The following MRAP2 variants were observed in gnomAD, a reference collection of about 807,000 sequenced individuals.
The protein encoded by MRAP2 is melanocortin 2 receptor accessory protein 2.
Under a neutral mutation model 17.4 loss-of-function variants are expected in MRAP2, and 20 were observed. That is an observed-to-expected ratio of 1.15 (90% confidence interval 0.81 to 1.67). The LOEUF is 1.67. Ranked by LOEUF, MRAP2 falls within the 40% of genes most tolerant of loss-of-function variation. MRAP2 has a pLI of 0.00. For synonymous variants in MRAP2, 96 were observed against 88.4 expected, an observed-to-expected ratio of 1.09 and a Z score of -0.48; for missense variants, 238 against 240.0, an observed-to-expected ratio of 0.99 and a Z score of 0.05.
intron 2 of MRAP2, chr6:84,062,679 C>T (rs984355609): frequency 1.6e-5 from 16 of 985,276 alleles, no homozygotes; most frequent in Non-Finnish European, 1.9e-5. Context: ...GCCTAAATCC[C>T]TTCATGCTAT....
At chr6:84,059,901 A>G (rs2099492658) in intron 2 of MRAP2, among the ~76,000 whole-genome samples, 1 of 152,170 alleles carries the variant, frequency 6.6e-6, no homozygotes, top group African/African-American at 2.4e-5. Flanking sequence ...CACTTTTCCC[A>G]TCTTACTGTA....
At chr6:84,080,959 T>C (rs1326483415) in intron 3 of MRAP2, among the ~76,000 whole-genome samples, 1 of 152,188 alleles carries the variant, frequency 6.6e-6, no homozygotes, top group African/African-American at 2.4e-5. Flanking sequence ...AGGTACAGTA[T>C]GTAGTATTAG....
intron 2 of MRAP2, among the ~76,000 whole-genome samples, chr6:84,061,256 A>T (rs1213048188): frequency 1.3e-5 from 2 of 152,338 alleles, no homozygotes; most frequent in African/African-American, 4.8e-5. Flanking sequence ...AACACATTTA[A>T]TATTTAAGCT....
Position 84,083,487 on chromosome 6 carries a change from T to C in MRAP2, c.228-5604T>C, listed in dbSNP as rs1395931119. Among the ~76,000 whole-genome samples, 3 of 152,216 alleles carry C rather than the reference T, an allele frequency of 2.0e-5. No individual in the cohort carries two copies. The East Asian group carries it at 5.8e-4, about 29-fold the overall frequency. ...TATTAAGCCAACAATATGAAATTAGTCTTACATATCAAAGAATTACAGAAA... is the reference window on the plus strand; with the variant it reads ...TATTAAGCCAACAATATGAAATTAGCCTTACATATCAAAGAATTACAGAAA... On this transcript the variant is annotated intron_variant, in intron 3 of 3. Transcript: ENST00000257776.
chr6:84,047,148 G>C (rs542626876), intron 1 of MRAP2, among the ~76,000 whole-genome samples: 8 of 151,848 alleles, frequency 5.3e-5, no homozygotes, highest in Non-Finnish European at 1.0e-4. Context: ...TGGAAGCACT[G>C]CTTATTATTA....
At chr6:84,038,935 AG>A (rs1441518802) in intron 1 of MRAP2, among the ~76,000 whole-genome samples, 3 of 152,256 alleles carry the variant, frequency 2.0e-5, no homozygotes, top group African/African-American at 7.2e-5. Context: ...ACATTTGAGC[AG>A]GCCCCACAAG....
In MRAP2 at chr6:84,062,898, A is replaced by C; in HGVS notation, c.133A>C (p.Ile45Leu). ...CAGAATTAACTGTCTTTCAGATTCC[A>C]TTGTGATTGGATTTTGGGTTGGTCT... ...FEGLKAHKYS[I>L]VIGFWVGLAV... The change falls in exon 3 of 4, where the codon ATT becomes CTT. Residue 45 changes from isoleucine (I) to leucine (L), a missense_variant. Transcript: ENST00000257776. The C allele has an allele frequency of 6.2e-7, 1 of 1,614,132 alleles. No homozygotes were observed. The highest frequency in any genetic ancestry group is 2.2e-5 in the East Asian group (1 of 44,878).
At chr6:84,097,938 G>T in the MRAP2 span, among the ~76,000 whole-genome samples, 4 of 152,266 alleles carry the variant, frequency 2.6e-5, no homozygotes, top group Admixed American at 1.3e-4. Flanking sequence ...GGTCAGGACT[G>T]AATTGCATTT....
At chr6:84,093,943 G>A (rs960354545), downstream of MRAP2, among the ~76,000 whole-genome samples, 3 of 152,184 alleles carry the variant, frequency 2.0e-5, no homozygotes, top group African/African-American at 7.2e-5. Context: ...ACTTGAGTAA[G>A]GAGCTTTTGT....
chr6:84,117,717 G>T, the MRAP2 span, among the ~76,000 whole-genome samples: 1 of 150,912 alleles, frequency 6.6e-6, no homozygotes, highest in South Asian at 2.1e-4. Context: ...TAACAGTTTG[G>T]CCACTCTCCA....
downstream of MRAP2, among the ~76,000 whole-genome samples, chr6:84,093,854 A>C (rs576053657): frequency 6.6e-6 from 1 of 152,326 alleles, no homozygotes; most frequent in African/African-American, 2.4e-5. Flanking sequence ...GAAGTCCCTA[A>C]TCCCTTAAAG....
chr6:84,072,882 C>G (rs1466147224), intron 3 of MRAP2, among the ~76,000 whole-genome samples: 1 of 152,042 alleles, frequency 6.6e-6, no homozygotes, highest in Non-Finnish European at 1.5e-5. Context: ...CAGGACTCAC[C>G]CAGCTCCCAT....
At chr6:84,082,541 A>C (rs1285628476) in intron 3 of MRAP2, among the ~76,000 whole-genome samples, 1 of 152,126 alleles carries the variant, frequency 6.6e-6, no homozygotes, top group Non-Finnish European at 1.5e-5. Context: ...ATACGAAATT[A>C]TTCTCTTTTC....
At chr6:84,132,692 A>G in the MRAP2 span, among the ~76,000 whole-genome samples, 1 of 152,118 alleles carries the variant, frequency 6.6e-6, no homozygotes, top group Non-Finnish European at 1.5e-5. Context: ...TTTCAGCTCC[A>G]TCAGGTGATT....
chr6:84,094,353 A>G (rs144547799), downstream of MRAP2, among the ~76,000 whole-genome samples: 546 of 152,254 alleles, frequency 3.6e-3, 2 homozygotes, highest in Non-Finnish European at 5.9e-3. Context: ...GAATTTCCCA[A>G]ATCATCAATC....
At chr6:84,130,054 A>G in the MRAP2 span, among the ~76,000 whole-genome samples, 2 of 152,302 alleles carry the variant, frequency 1.3e-5, no homozygotes, top group East Asian at 3.9e-4. Context: ...TAGTTTGTTG[A>G]GAGTTTTTAG....
chr6:84,112,680 C>T, the MRAP2 span, among the ~76,000 whole-genome samples: 5 of 151,722 alleles, frequency 3.3e-5, no homozygotes, highest in African/African-American at 1.2e-4. Flanking sequence ...CTCTCTAGTT[C>T]TTTTGTGATG....
the MRAP2 span, among the ~76,000 whole-genome samples, chr6:84,118,479 C>T: frequency 6.6e-6 from 1 of 152,202 alleles, no homozygotes; most frequent in South Asian, 2.1e-4. Context: ...GAGGTCCCGC[C>T]CCATGAAGAG....
chr6:84,099,659 C>G, the MRAP2 span, among the ~76,000 whole-genome samples: 3 of 152,240 alleles, frequency 2.0e-5, no homozygotes, highest in African/African-American at 7.2e-5. Flanking sequence ...ACCTGCTCCC[C>G]CTGTGCCTTC....
Sources: allele counts gnomAD v4.1 joint callset (sites outside exome capture counted in the v4.1 genomes callset), GRCh38; gene constraint gnomAD v4.1.1; transcripts MANE v1.5; gene names NCBI Gene and HGNC (gene_info 2026-07-23, HGNC 2026-07-21).